The following SEMA4C variants were observed in gnomAD, a reference collection of about 807,000 sequenced individuals.
SEMA4C encodes semaphorin-4C.
A neutral mutation model predicts 89.0 loss-of-function variants in SEMA4C; 19 were observed. The ratio of observed to expected loss-of-function variants is 0.21; its 90% CI spans 0.15 to 0.31. The LOEUF (loss-of-function observed/expected upper bound fraction) is 0.31. SEMA4C is among the 10% of genes least tolerant of loss of function. The pLI is 1.00. For missense variants in SEMA4C, 811 were observed against 1,107.0 expected (o/e 0.73, Z 3.79); for synonymous variants, 428 against 472.7 (o/e 0.91, Z 1.23).
intron 12 of SEMA4C, chr2:96,862,616 A>T (rs2153362651): frequency 6.6e-6 from 1 of 152,358 alleles, no homozygotes; most frequent in Non-Finnish European, 1.5e-5. Flanking sequence ...TAATCCCAGC[A>T]CTTTGGGAGG....
Position 96,867,862 on chromosome 2 carries a change from G to C in SEMA4C, c.25C>G (p.Leu9Val). Residue 9 changes from leucine (L) to valine (V), a missense_variant, in exon 2 of 15, where the codon CTG becomes GTG. By Grantham distance (32) the Leu-to-Val change is conservative. Transcript: ENST00000305476. ...AGGCCCCACAGCCTTGCTGCCAGCA[G>C]CCAGACAGCCCAGTGTGGGGCCATG... MAPHWAVW[L>V]LAARLWGLGI... The C allele has an allele frequency of 1.2e-6, 2 of 1,613,632 alleles. No homozygotes were observed. The highest frequency in any genetic ancestry group is 1.7e-6 in the Non-Finnish European group (2 of 1,179,998).
intron 2 of SEMA4C, 68 bp downstream of exon 2, chr2:96,867,710 A>C: frequency 6.9e-7 from 1 of 1,457,626 alleles, no homozygotes; most frequent in Non-Finnish European, 9.6e-7. Context: ...GAATAAAGCC[A>C]GCACACTATG....
chr2:96,867,943 G>T lies in SEMA4C; in HGVS notation c.-37-20C>A. The T allele has an allele frequency of 6.2e-7, 1 of 1,612,052 alleles. No individual in the cohort carries two copies. Among genetic ancestry groups the T allele is most frequent in the Non-Finnish European group, 8.5e-7 (1 of 1,179,722 alleles). On this transcript the variant is annotated intron_variant, in intron 1 of 14. Transcript: ENST00000305476. ...GCTGTCCTGCTGAGGGAAAAGACAT[G>T]GTCAGAAATCACAGCCAGAGAAAGC...
Position 96,865,093 on chromosome 2 carries a change from G to A in SEMA4C, c.657C>T (p.Ala219=). The change falls in exon 8 of 15, where the codon GCC becomes GCT. Residue 219 remains alanine, a synonymous_variant. Coordinates refer to ENST00000305476, the MANE Select transcript of SEMA4C (RefSeq NM_017789.5). ...AGCTGCCCACACTCTCAGGTACATA[G>A]GCAGAGCCTACAAAGTGAGGTTCTG... ...WLNEPHFVGS[A]YVPESVGSFT... The A allele has an allele frequency of 2.6e-6, 4 of 1,567,668 alleles. No individual in the cohort carries two copies. Among genetic ancestry groups the A allele is most frequent in the African/African-American group, 1.4e-5 (1 of 73,858 alleles).
intron 2 of SEMA4C, 47 bp from the exon 3 acceptor site, chr2:96,866,478 G>A (rs779759629): frequency 2.4e-5 from 39 of 1,612,806 alleles, no homozygotes; most frequent in Non-Finnish European, 2.7e-5. Context: ...CCTGGGGCTC[G>A]ACAGCCCTCA....
rs993884839 is a variant in SEMA4C, at chr2:96,860,846, G to A, written c.2282C>T (p.Pro761Leu). ...RCQPGGGPPSPPPGIPGQPLP... is the reference protein window; with the variant it reads ...RCQPGGGPPSLPPGIPGQPLP... ...AGGCTGGCCTGGGATGCCTGGAGGTGGCGAAGGGGGCCCCCCACCGGGCTG... is the reference window on the plus strand; with the variant it reads ...AGGCTGGCCTGGGATGCCTGGAGGTAGCGAAGGGGGCCCCCCACCGGGCTG... The change falls in exon 15 of 15, where the codon CCA becomes CTA. Residue 761 changes from proline (P) to leucine (L), a missense_variant. By Grantham distance (98) the Pro-to-Leu change is moderately conservative (BLOSUM62 -3). Coordinates refer to ENST00000305476, the MANE Select transcript of SEMA4C (RefSeq NM_017789.5). The A allele has an allele frequency of 6.8e-6, 11 of 1,613,206 alleles. No individual in the cohort carries two copies. The highest frequency in any genetic ancestry group is 9.3e-6 in the Non-Finnish European group (11 of 1,180,006).
Position 96,860,710 on chromosome 2 carries a change from C to T in SEMA4C, c.2418G>A (p.Leu806=). 1 of 1,613,698 alleles carries T rather than the reference C, an allele frequency of 6.2e-7. No homozygotes were observed. The highest frequency in any genetic ancestry group is 8.5e-7 in the Non-Finnish European group (1 of 1,179,976). ...GTCTCAGTTCATCCGCGAGCTCAGG[C>T]AGGGGGTGCCCGAGCCCTCCCCGGT... ...GEDRGGLGHP[L]PELADELRRK... Residue 806 remains leucine, a synonymous_variant, in exon 15 of 15, where the codon CTG becomes CTA. Coordinates refer to ENST00000305476, the MANE Select transcript of SEMA4C (RefSeq NM_017789.5).
chr2:96,860,698 C>A lies in SEMA4C; in HGVS notation c.2430G>T (p.Ala810=). 6.2e-7 allele frequency: 1 copy of A among 1,613,580 alleles called. No individual in the cohort carries two copies. The highest frequency in any genetic ancestry group is 8.5e-7 in the Non-Finnish European group (1 of 1,179,970). Residue 810 remains alanine (A), a synonymous_variant, in exon 15 of 15, where the codon GCG becomes GCT. Coordinates refer to ENST00000305476, the MANE Select transcript of SEMA4C (RefSeq NM_017789.5). ...GGLGHPLPEL[A]DELRRKLQQR... Reference sequence around the variant, plus strand: ...GCTGCAGTTTGCGTCTCAGTTCATCCGCGAGCTCAGGCAGGGGGTGCCCGA... The same window carrying A: ...GCTGCAGTTTGCGTCTCAGTTCATCAGCGAGCTCAGGCAGGGGGTGCCCGA...
Position 96,861,677 on chromosome 2 carries a change from A to G in SEMA4C, c.1602-28T>C. 6.3e-7 allele frequency: 1 copy of G among 1,594,244 alleles called. No homozygotes were observed. Reference sequence around the variant, plus strand: ...GGTAGGGGATGTAGGGTACATCAGCAGCCTGGCTCCAACCACCCTGAGTCC... The same window carrying G: ...GGTAGGGGATGTAGGGTACATCAGCGGCCTGGCTCCAACCACCCTGAGTCC... On this transcript the variant is annotated intron_variant, in intron 13 of 14. Coordinates refer to ENST00000305476, the MANE Select transcript of SEMA4C (RefSeq NM_017789.5). This position sits in a 1 kb window ranked among gnomAD's most constrained non-coding sequence, Gnocchi z 7.8.
Position 96,867,780 on chromosome 2 carries a change from C to G in SEMA4C, c.107G>C (p.Gly36Ala), listed in dbSNP as rs549468013. 3 of 1,613,508 alleles carry G rather than the reference C, an allele frequency of 1.9e-6. No homozygotes were observed. ...TCCTCACCCCTCCAGGCACTCACCCCCAGAAGACACTGTCTTACGCGGCAC... is the reference window on the plus strand; with the variant it reads ...TCCTCACCCCTCCAGGCACTCACCCGCAGAAGACACTGTCTTACGCGGCAC... ...NLVPRKTVSSGELATVVRRFS... is the reference protein window; with the variant it reads ...NLVPRKTVSSAELATVVRRFS... The change falls in exon 2 of 15, where the codon GGG becomes GCG. Residue 36 changes from glycine to alanine, a missense_variant and splice_region_variant. Gly to Ala is a moderately conservative substitution (Grantham distance 60, BLOSUM62 0). This residue lies in a region of SEMA4C where 119 missense variants were observed against 152.7 expected (regional missense o/e 0.78). Coordinates refer to ENST00000305476, the MANE Select transcript of SEMA4C (RefSeq NM_017789.5).
At position 96,865,311 on chromosome 2, in the gene SEMA4C, A is replaced by G; in HGVS notation, c.527T>C (p.Leu176Pro). ...GHAGLLVDGELYSATLNNFLG... is the reference protein window; with the variant it reads ...GHAGLLVDGEPYSATLNNFLG... Reference sequence around the variant, plus strand: ...GAAGTTGTTGAGTGTGGCCGAGTACAGCTCACCATCTATGGGAGACAGAGG... The same window carrying G: ...GAAGTTGTTGAGTGTGGCCGAGTACGGCTCACCATCTATGGGAGACAGAGG... The change falls in exon 7 of 15, where the codon CTG becomes CCG. Residue 176 changes from leucine to proline, a missense_variant. By Grantham distance (98) the Leu-to-Pro change is moderately conservative. Coordinates refer to ENST00000305476, the MANE Select transcript of SEMA4C (RefSeq NM_017789.5). 6.2e-7 allele frequency: 1 copy of G among 1,614,184 alleles called. No individual in the cohort carries two copies. Among genetic ancestry groups the G allele is most frequent in the Non-Finnish European group, 8.5e-7 (1 of 1,180,020 alleles).
chr2:96,866,220 CACAGCCCCTCTGGGCCTTGCCCTCTG>C, intron 3 of SEMA4C, 37 bp downstream of exon 3: 1 of 1,541,710 alleles, frequency 6.5e-7, no homozygotes, highest in Non-Finnish European at 8.7e-7. Context: ...CCTAGCCAAG[CACAGCCCCTCTGGGCCTTGCCCTCTG>C]GCAGGCCCGA....
In SEMA4C at chr2:96,864,188, G is replaced by A; in HGVS notation, c.1108-40C>T. On this transcript the variant is annotated intron_variant, in intron 10 of 14. Transcript: ENST00000305476. This position sits in a 1 kb window ranked among gnomAD's most constrained non-coding sequence, Gnocchi z 6.3. ...TGGGGGGCAGGCCATCAGCAGGGTG[G>A]GATGGCACCGCAGCTGGGTGGGGAG... is the stretch of plus-strand genomic sequence containing the variant. The A allele has an allele frequency of 1.2e-6, 2 of 1,613,032 alleles. No individual in the cohort carries two copies. Among genetic ancestry groups the A allele is most frequent in the African/African-American group, 1.3e-5 (1 of 75,016 alleles).
chr2:96,865,784 C>T lies in SEMA4C; in HGVS notation c.322-20G>A, dbSNP rs201807443. 476 of 1,613,814 alleles carry T rather than the reference C, an allele frequency of 2.9e-4. No individual in the cohort carries two copies. In the African/African-American group the frequency reaches 4.3e-3, roughly 14 times the overall value. ...CTCGGTCTGGGGGCAGAAAGGTGTC[C>T]GGTTAGTGAGAGCGCGAGGGCCAGA... On this transcript the variant is annotated intron_variant, in intron 4 of 14. Coordinates refer to ENST00000305476, the MANE Select transcript of SEMA4C (RefSeq NM_017789.5).
intron 1 of SEMA4C, among the ~76,000 whole-genome samples, 154 bp from the exon 2 acceptor site, chr2:96,868,077 C>CA (rs2080121916): frequency 6.6e-6 from 1 of 152,262 alleles, no homozygotes; most frequent in African/African-American, 2.4e-5. Context: ...TAAGTCCCCA[C>CA]ACTTGGCCTC....
rs759525517 is a variant in SEMA4C, at chr2:96,860,832, G to A, written c.2296C>T (p.Pro766Ser). The change falls in exon 15 of 15, where the codon CCA (proline) becomes TCA (serine). Residue 766 changes from proline (P) to serine (S), a missense_variant. Pro to Ser is a moderately conservative substitution (Grantham distance 74, BLOSUM62 -1). This residue lies in a region of SEMA4C where 248 missense variants were observed against 269.0 expected (regional missense o/e 0.92). Coordinates refer to ENST00000305476, the MANE Select transcript of SEMA4C (RefSeq NM_017789.5). ...GTTGGAGAAGGCAGAGGCTGGCCTG[G>A]GATGCCTGGAGGTGGCGAAGGGGGC... Reference protein sequence around the residue: ...GGPPSPPPGIPGQPLPSPTRL... With the variant: ...GGPPSPPPGISGQPLPSPTRL... 1 of 1,613,358 alleles carries A rather than the reference G, an allele frequency of 6.2e-7. No homozygotes were observed. The highest frequency in any genetic ancestry group is 8.5e-7 in the Non-Finnish European group (1 of 1,179,998).
At chr2:96,865,966 G>T in intron 3 of SEMA4C, 37 bp from the exon 4 acceptor site, 1 of 1,603,456 alleles carries the variant, frequency 6.2e-7, no homozygotes, top group Non-Finnish European at 8.5e-7. Context: ...CACGTTACAG[G>T]TACGGACTGA....
chr2:96,862,653 G>C (rs1201143023), intron 12 of SEMA4C: 1 of 152,254 alleles, frequency 6.6e-6, no homozygotes, highest in Non-Finnish European at 1.5e-5. Flanking sequence ...GCAAGGTCAG[G>C]AGATCGAGAC....
chr2:96,869,148 G>GC lies in SEMA4C; in HGVS notation c.-38+727dup, dbSNP rs2080150470. Reference sequence around the variant, plus strand: ...AGAGCGGGGGCTGCGCCCCAGACCAGCCCCCCAAAACGCCCGCGGCCTCAT... The same window carrying GC: ...AGAGCGGGGGCTGCGCCCCAGACCAGCCCCCCCAAAACGCCCGCGGCCTCAT... On this transcript the variant is annotated intron_variant, in intron 1 of 14. Coordinates refer to ENST00000305476, the MANE Select transcript of SEMA4C (RefSeq NM_017789.5). 5.1e-6 allele frequency: 5 copies of GC among 985,356 alleles called. No homozygotes were observed. The South Asian group carries it at 1.4e-4, about 28-fold the overall frequency. 61.0% of individuals were successfully genotyped at this position (985,356 alleles called of 1,614,324 possible).
Sources: allele counts gnomAD v4.1 joint callset (sites outside exome capture counted in the v4.1 genomes callset), GRCh38; gene constraint gnomAD v4.1.1; regional missense constraint gnomAD v4.1.1; non-coding constraint Gnocchi (gnomAD v3.1); transcripts MANE v1.5; gene names NCBI Gene and HGNC (gene_info 2026-07-23, HGNC 2026-07-21).